The following CCDC60 variants were observed in gnomAD, a reference collection of about 807,000 sequenced individuals.
CCDC60 encodes the protein coiled-coil domain containing 60.
A neutral mutation model predicts 63.5 loss-of-function variants in CCDC60; 54 were observed. That is an observed-to-expected ratio of 0.85 (90% CI 0.68 to 1.07). CCDC60 has a LOEUF of 1.07. CCDC60 is among the 50% of genes least tolerant of loss of function. The probability of loss-of-function intolerance (pLI) is 0.00; values close to 1 mark genes in which losing one functional copy is unlikely to be tolerated. For missense variants in CCDC60, 651 were observed against 684.3 expected (o/e 0.95, Z 0.54); for synonymous variants, 206 against 238.8 (o/e 0.86, Z 1.27).
chr12:119,522,383 G>T (rs531027970), intron 9 of CCDC60, among the ~76,000 whole-genome samples: 2 of 152,302 alleles, frequency 1.3e-5, no homozygotes, highest in African/African-American at 2.4e-5. Context: ...ACCTAGAAAT[G>T]GTTGGATGGC....
rs371312981 is a variant in CCDC60, at chr12:119,410,467, C to T, written c.91-18216C>T. The stretch of plus-strand genomic sequence containing the variant: ...CCTTCACTGGGCCCTCACCCCTAAG[C>T]TGATTTTGCCGAAATGGCTTCTCAA... On this transcript the variant is annotated intron_variant, in intron 1 of 13. Transcript: ENST00000327554. This position sits in a 1 kb window ranked among gnomAD's most constrained non-coding sequence, Gnocchi z 4.0. 2.0e-5 allele frequency among the ~76,000 whole-genome samples: 3 copies of T among 152,134 alleles called. No individual in the cohort carries two copies. Among genetic ancestry groups the T allele is most frequent in the African/African-American group, 7.2e-5 (3 of 41,438 alleles).
chr12:119,468,716 A>G lies in CCDC60; in HGVS notation c.171-3278A>G, dbSNP rs139116916. On this transcript the variant is annotated intron_variant, in intron 2 of 13. Transcript: ENST00000327554. Reference sequence around the variant, plus strand: ...TTTATTTAAAAAATTTAACATAACAAAATAAAAACACTGTCAATTAAAATA... The same window carrying G: ...TTTATTTAAAAAATTTAACATAACAGAATAAAAACACTGTCAATTAAAATA... Among the ~76,000 whole-genome samples, 219 of 152,250 alleles carry G rather than the reference A, an allele frequency of 1.4e-3. 1 individual carries two copies. Among genetic ancestry groups the G allele is most frequent in the African/African-American group, 5.0e-3 (207 of 41,546 alleles).
intron 1 of CCDC60, among the ~76,000 whole-genome samples, chr12:119,407,983 T>C (rs1317278624): frequency 6.6e-6 from 1 of 152,146 alleles, no homozygotes; most frequent in Non-Finnish European, 1.5e-5. Flanking sequence ...ATAAAAAGGT[T>C]TTCTCTGCTT....
intron 1 of CCDC60, among the ~76,000 whole-genome samples, chr12:119,392,652 A>T (rs1956180261): frequency 6.6e-6 from 1 of 152,230 alleles, no homozygotes; most frequent in African/African-American, 2.4e-5. Flanking sequence ...GTGGTGCTCA[A>T]TAAATATTTA....
At chr12:119,487,140 G>A (rs557566615) in intron 4 of CCDC60, among the ~76,000 whole-genome samples, 4 of 152,210 alleles carry the variant, frequency 2.6e-5, no homozygotes, top group Non-Finnish European at 2.9e-5. Context: ...GCCCAGGCCC[G>A]TGAGAGCACA....
intron 1 of CCDC60, among the ~76,000 whole-genome samples, chr12:119,394,974 G>GAA (rs1474882212): frequency 6.6e-6 from 1 of 152,226 alleles, no homozygotes; most frequent in Non-Finnish European, 1.5e-5. Flanking sequence ...GGGTGCTTAC[G>GAA]AAGGCTTCAT....
chr12:119,398,223 C>T lies in CCDC60; in HGVS notation c.91-30460C>T, dbSNP rs573532799. Among the ~76,000 whole-genome samples, 264 of 151,600 alleles carry T rather than the reference C, an allele frequency of 1.7e-3. 1 individual carries two copies. Among genetic ancestry groups the T allele is most frequent in the African/African-American group, 2.5e-3 (103 of 41,326 alleles). Reference sequence around the variant, plus strand: ...CTGAGGCCTGGCAAGAATTTGAGTGCGGTGCGGGCAGGCCGGCAGTGCTGG... The same window carrying T: ...CTGAGGCCTGGCAAGAATTTGAGTGTGGTGCGGGCAGGCCGGCAGTGCTGG... On this transcript the variant is annotated intron_variant, in intron 1 of 13. Transcript: ENST00000327554.
At chr12:119,431,900 C>G (rs1048570663) in intron 2 of CCDC60, among the ~76,000 whole-genome samples, 2 of 152,136 alleles carry the variant, frequency 1.3e-5, no homozygotes, top group African/African-American at 4.8e-5. Context: ...AGGATGATCT[C>G]GATCTCCTGA....
chr12:119,399,894 C>T (rs1459343016), intron 1 of CCDC60, among the ~76,000 whole-genome samples: 1 of 152,204 alleles, frequency 6.6e-6, no homozygotes, highest in East Asian at 1.9e-4. Context: ...CCAAAACTTG[C>T]TACATGCCTA....
intron 4 of CCDC60, 57 bp downstream of exon 4, chr12:119,479,258 C>T (rs943054091): frequency 4.9e-6 from 6 of 1,219,152 alleles, no homozygotes; most frequent in Non-Finnish European, 7.2e-6. Flanking sequence ...TGAAGCCGAA[C>T]TGAAATGACT....
At position 119,500,144 on chromosome 12, in the gene CCDC60, G is replaced by A. The variant is rs1445773288; in HGVS notation, c.624G>A (p.Trp208Ter). 5.6e-6 allele frequency: 9 copies of A among 1,610,170 alleles called. No homozygotes were observed. Among genetic ancestry groups the A allele is most frequent in the Non-Finnish European group, 7.6e-6 (9 of 1,178,460 alleles). Reference protein sequence around the residue: ...INKDKSMGQKWEHFITAPKTK... With the variant: ...INKDKSMGQK ...AGGACAAGTCCATGGGACAGAAATG[G>A]GAGCATTTCATCACAGCGCCAAAGG... Residue 208 changes from tryptophan to a stop codon, truncating the protein, a stop_gained, in exon 6 of 14, where the codon TGG (tryptophan) becomes TGA (stop). Coordinates refer to ENST00000327554, the MANE Select transcript of CCDC60 (RefSeq NM_178499.5). LOFTEE classifies it high-confidence loss of function.
intron 1 of CCDC60, among the ~76,000 whole-genome samples, chr12:119,381,129 T>C (rs1465047541): frequency 1.3e-5 from 2 of 152,300 alleles, no homozygotes. Flanking sequence ...TCTGTTACGG[T>C]AATCAGTGAA....
At chr12:119,521,740 C>A (rs1223963154) in intron 9 of CCDC60, among the ~76,000 whole-genome samples, 1 of 152,130 alleles carries the variant, frequency 6.6e-6, no homozygotes, top group Non-Finnish European at 1.5e-5. Context: ...TTCTTTACCT[C>A]CCACCTCCTC....
chr12:119,488,011 T>G (rs1396789851), intron 4 of CCDC60, among the ~76,000 whole-genome samples: 1 of 152,044 alleles, frequency 6.6e-6, no homozygotes, highest in Admixed American at 6.5e-5. Flanking sequence ...CCAGCTCATT[T>G]TTGTATTTTT....
chr12:119,344,616 C>T (rs985477190), intron 1 of CCDC60, among the ~76,000 whole-genome samples: 3 of 152,166 alleles, frequency 2.0e-5, no homozygotes, highest in Non-Finnish European at 2.9e-5. Context: ...GTGATACTGT[C>T]ATTCCCCTTG....
rs1956943787 is a variant in CCDC60 at position 119,428,714 on chromosome 12, A to G, written c.122A>G (p.Tyr41Cys). 7 of 1,607,790 alleles carry G rather than the reference A, an allele frequency of 4.4e-6. No individual in the cohort carries two copies. In the East Asian group the frequency reaches 1.3e-4, roughly 31 times the overall value. ...GACAAGCCAATGAAGAGCATCAAGT[A>G]TATGGACAAGGAAATAATAAACCTC... The part of the protein sequence containing the change: ...VPDKPMKSIK[Y>C]MDKEIINLKK... The change falls in exon 2 of 14, where the codon TAT becomes TGT. Residue 41 changes from tyrosine (Y) to cysteine (C), a missense_variant. Transcript: ENST00000327554.
At chr12:119,407,512 A>G (rs962501248) in intron 1 of CCDC60, among the ~76,000 whole-genome samples, 2 of 152,144 alleles carry the variant, frequency 1.3e-5, no homozygotes, top group African/African-American at 4.8e-5. Context: ...AGTCTGGGTG[A>G]CAGAGCAAGA....
chr12:119,522,189 G>A (rs1357233543), intron 9 of CCDC60, among the ~76,000 whole-genome samples: 1 of 152,174 alleles, frequency 6.6e-6, no homozygotes, highest in Non-Finnish European at 1.5e-5. Context: ...AGAAAGAAGG[G>A]GAAACAGAGT....
At chr12:119,345,503 A>AAAATAAATAAATAAATAAATAAAT (rs71072508) in intron 1 of CCDC60, among the ~76,000 whole-genome samples, 124 of 150,488 alleles carry the variant, frequency 8.2e-4, no homozygotes, top group South Asian at 1.0e-3. Context: ...CTCCATCTCA[A>AAAATAAATAAATAAATAAATAAAT]AAATAAATAA....
Sources: gnomAD v4.1 joint callset for allele counts (sites outside exome capture counted in the v4.1 genomes callset) on GRCh38, gnomAD v4.1.1 for gene constraint, Gnocchi (gnomAD v3.1) non-coding constraint, MANE v1.5 for transcripts, NCBI Gene and HGNC (gene_info 2026-07-23, HGNC 2026-07-21) for gene names.